NRP1: variants seen among roughly 807,000 people sequenced by gnomAD.
NRP1 encodes neuropilin 1.
Under a neutral mutation model 106.7 loss-of-function variants are expected in NRP1, and 35 were observed. The observed-to-expected ratio is 0.33, with a 90% CI of 0.25 to 0.43. NRP1 has a LOEUF of 0.43. Among genes scored for constraint, NRP1 ranks in the 20% least tolerant of loss-of-function variants. NRP1 has a pLI of 1.00. For synonymous variants in NRP1, 437 were observed against 417.9 expected (o/e 1.05, Z -0.56); for missense variants, 1,024 against 1,170.4 (o/e 0.87, Z 1.83).
In NRP1 at chr10:33,209,414, G is replaced by A. The variant is rs114041402; in HGVS notation, c.1615-1698C>T. On this transcript the variant is annotated intron_variant, in intron 9 of 16. Transcript: ENST00000374867. Reference sequence around the variant, plus strand: ...TCAAACCTAGCTGGCCTTAACTGGCGCCCTTAACCACACCACGATGCTGCC... The same window carrying A: ...TCAAACCTAGCTGGCCTTAACTGGCACCCTTAACCACACCACGATGCTGCC... Among the ~76,000 whole-genome samples, 680 of 152,264 alleles carry A rather than the reference G, an allele frequency of 4.5e-3. 5 individuals are homozygous for A. Among genetic ancestry groups the A allele is most frequent in the African/African-American group, 0.015 (643 of 41,542 alleles).
At chr10:33,191,219 G>A (rs1028018997) in intron 13 of NRP1, among the ~76,000 whole-genome samples, 1 of 152,106 alleles carries the variant, frequency 6.6e-6, no homozygotes, top group Non-Finnish European at 1.5e-5. Flanking sequence ...GTAGCAGGAA[G>A]GGGGCAGATA....
At chr10:33,212,347 C>T (rs1401242832) in intron 9 of NRP1, 3 of 152,172 alleles carry the variant, frequency 2.0e-5, no homozygotes, top group South Asian at 4.1e-4. Context: ...TCCAGCCTTT[C>T]GAAGGATGGA....
At chr10:33,184,013 T>C (rs1405302879) in intron 15 of NRP1, among the ~76,000 whole-genome samples, 5 of 152,092 alleles carry the variant, frequency 3.3e-5, no homozygotes, top group Non-Finnish European at 7.4e-5. Context: ...CTTCCTTCCT[T>C]CTTTTTTCTT....
chr10:33,220,900 C>CAAAAAAAAA (rs35895871), intron 8 of NRP1, among the ~76,000 whole-genome samples: 9 of 60,660 alleles, frequency 1.5e-4, no homozygotes, highest in Admixed American at 2.0e-4. Context: ...GGCTCAGTCT[C>CAAAAAAAAA]AAAAAAAAAA....
intron 4 of NRP1, among the ~76,000 whole-genome samples, chr10:33,258,793 A>G (rs1842376226): frequency 6.6e-6 from 1 of 152,098 alleles, no homozygotes; most frequent in South Asian, 2.1e-4. Context: ...TGTCCATAAC[A>G]TACACATGAA....
At chr10:33,185,763 C>A in intron 14 of NRP1, 39 bp from the exon 15 acceptor site, 1 of 1,509,320 alleles carries the variant, frequency 6.6e-7, no homozygotes, top group South Asian at 1.1e-5. Context: ...TTGAAATGCT[C>A]ATCTCACATG....
chr10:33,234,087 C>T (rs1840372502), intron 6 of NRP1, among the ~76,000 whole-genome samples: 1 of 152,054 alleles, frequency 6.6e-6, no homozygotes, highest in Non-Finnish European at 1.5e-5. Flanking sequence ...GGTGGTATTA[C>T]CTAGAAAAAA....
At chr10:33,250,835 G>A (rs529363316) in intron 6 of NRP1, among the ~76,000 whole-genome samples, 26 of 152,274 alleles carry the variant, frequency 1.7e-4, no homozygotes, top group Non-Finnish European at 3.5e-4. Context: ...GATTAGTGTC[G>A]TATGAGTAGG....
chr10:33,302,724 G>T (rs185119771), intron 2 of NRP1, among the ~76,000 whole-genome samples: 2 of 152,146 alleles, frequency 1.3e-5, no homozygotes, highest in Admixed American at 1.3e-4. Context: ...GAGGGTGAGC[G>T]AAGCAAACAT....
chr10:33,305,390 T>G (rs1846077638), intron 2 of NRP1, among the ~76,000 whole-genome samples: 1 of 152,174 alleles, frequency 6.6e-6, no homozygotes, highest in African/African-American at 2.4e-5. Flanking sequence ...ACAGCATAAG[T>G]TATAAACCCC....
intron 4 of NRP1, among the ~76,000 whole-genome samples, 177 bp downstream of exon 4, chr10:33,263,469 A>G (rs566190104): frequency 1.4e-4 from 22 of 152,312 alleles, no homozygotes; most frequent in African/African-American, 4.8e-4. Flanking sequence ...ATAATTACTA[A>G]GGTCTTCTTG....
intron 6 of NRP1, among the ~76,000 whole-genome samples, chr10:33,246,892 G>T (rs1340334015): frequency 1.3e-5 from 2 of 152,102 alleles, no homozygotes; most frequent in African/African-American, 4.8e-5. Context: ...AGTCAATTTA[G>T]CAGATGGAAC....
chr10:33,303,883 A>G (rs1845969506), intron 2 of NRP1, among the ~76,000 whole-genome samples: 1 of 152,240 alleles, frequency 6.6e-6, no homozygotes, highest in South Asian at 2.1e-4. Context: ...AGTACTCACT[A>G]TGATACTGGC....
intron 15 of NRP1, among the ~76,000 whole-genome samples, chr10:33,184,103 C>G (rs919730685): frequency 6.6e-6 from 1 of 152,136 alleles, no homozygotes; most frequent in Non-Finnish European, 1.5e-5. Flanking sequence ...CTTCCGCCTC[C>G]TGGGTTCAAG....
intron 16 of NRP1, among the ~76,000 whole-genome samples, chr10:33,182,264 G>C (rs2132573250): frequency 6.6e-6 from 1 of 152,202 alleles, no homozygotes; most frequent in Non-Finnish European, 1.5e-5. Flanking sequence ...ATTGGGCTCT[G>C]GTCTCTTAAA....
chr10:33,306,887 A>G (rs1487760190), intron 2 of NRP1, among the ~76,000 whole-genome samples: 1 of 152,220 alleles, frequency 6.6e-6, no homozygotes, highest in Non-Finnish European at 1.5e-5. Context: ...TAACTTGCAA[A>G]CATGGTTGTG....
At chr10:33,200,820 T>C (rs1199729649) in intron 11 of NRP1, among the ~76,000 whole-genome samples, 3 of 152,168 alleles carry the variant, frequency 2.0e-5, no homozygotes, top group Non-Finnish European at 4.4e-5. Context: ...AGCAAATGGT[T>C]TTGTAAAGTA....
intron 6 of NRP1, among the ~76,000 whole-genome samples, chr10:33,253,627 A>G (rs1020174181): frequency 6.6e-6 from 1 of 152,356 alleles, no homozygotes; most frequent in South Asian, 2.1e-4. Flanking sequence ...AACAGGATTC[A>G]TATATTTCAT....
Position 33,263,617 on chromosome 10 carries a change from C to G in NRP1, c.658+29G>C, listed in dbSNP as rs755323751. On this transcript the variant is annotated intron_variant, in intron 4 of 16. Transcript: ENST00000374867. ...TGGTGCCCTTCCTCCAGAACCTTCCCTTTTTGGGGTGCTTCCTGTCATTCT... is the reference window on the plus strand; with the variant it reads ...TGGTGCCCTTCCTCCAGAACCTTCCGTTTTTGGGGTGCTTCCTGTCATTCT... The G allele has an allele frequency of 3.2e-6, 5 of 1,566,734 alleles. No individual in the cohort carries two copies. The South Asian group carries it at 5.6e-5, about 17-fold the overall frequency.
Sources: allele counts gnomAD v4.1 joint callset (sites outside exome capture counted in the v4.1 genomes callset), GRCh38; gene constraint gnomAD v4.1.1; transcripts MANE v1.5; gene names NCBI Gene and HGNC (gene_info 2026-07-23, HGNC 2026-07-21).